The following FAM107B variants were observed in gnomAD, a reference collection of about 807,000 sequenced individuals.
FAM107B encodes the protein family with sequence similarity 107 member B, also known as protein FAM107B.
A neutral mutation model predicts 31.5 loss-of-function variants in FAM107B; 21 were observed. The observed-to-expected ratio is 0.67, with a 90% CI of 0.47 to 0.96. FAM107B has a LOEUF of 0.96. FAM107B is among the 40% of genes least tolerant of loss of function. The pLI is 0.00. For missense variants in FAM107B, 452 were observed against 377.1 expected (o/e 1.20, Z -1.64); for synonymous variants, 157 against 141.5 (o/e 1.11, Z -0.78).
intron 2 of FAM107B, among the ~76,000 whole-genome samples, chr10:14,622,645 T>C (rs929800770): frequency 6.6e-6 from 1 of 152,168 alleles, no homozygotes; most frequent in African/African-American, 2.4e-5. Context: ...AGAGAAGGCA[T>C]CTAAGCAGCA....
At chr10:14,582,296 C>T (rs921218487) in intron 2 of FAM107B, among the ~76,000 whole-genome samples, 2 of 151,768 alleles carry the variant, frequency 1.3e-5, no homozygotes, top group Non-Finnish European at 1.5e-5. Flanking sequence ...AAATAATGGT[C>T]TTTCTAAAAA....
At chr10:14,525,181 C>G (rs1468176067) in intron 3 of FAM107B, among the ~76,000 whole-genome samples, 1 of 152,182 alleles carries the variant, frequency 6.6e-6, no homozygotes, top group East Asian at 1.9e-4. Flanking sequence ...ATTAGTTTCT[C>G]CAAATGTCAT....
intron 2 of FAM107B, among the ~76,000 whole-genome samples, chr10:14,597,147 GAAT>G (rs1217115710): frequency 6.6e-6 from 1 of 152,164 alleles, no homozygotes; most frequent in East Asian, 1.9e-4. Flanking sequence ...ACAAGGGAAA[GAAT>G]ATTATGAAGC....
At chr10:14,625,385 C>T (rs188773004) in intron 2 of FAM107B, among the ~76,000 whole-genome samples, 45 of 152,062 alleles carry the variant, frequency 3.0e-4, no homozygotes, top group Non-Finnish European at 5.0e-4. Context: ...TCTCTGATGA[C>T]GCCTCATCTA....
chr10:14,650,927 G>T (rs1172801615), intron 2 of FAM107B, among the ~76,000 whole-genome samples: 3 of 152,210 alleles, frequency 2.0e-5, no homozygotes, highest in Non-Finnish European at 4.4e-5. Context: ...AAGTGTTAAT[G>T]ATAGTGAAGG....
At chr10:14,720,430 T>A (rs1430592689) in intron 1 of FAM107B, among the ~76,000 whole-genome samples, 1 of 152,100 alleles carries the variant, frequency 6.6e-6, no homozygotes, top group South Asian at 2.1e-4. Context: ...ATTTCTGTAT[T>A]TTTAGTAGAG....
At chr10:14,591,170 G>A (rs1474065896) in intron 2 of FAM107B, among the ~76,000 whole-genome samples, 1 of 152,068 alleles carries the variant, frequency 6.6e-6, no homozygotes, top group African/African-American at 2.4e-5. Flanking sequence ...AATGACAATT[G>A]AAAAAGATAC....
At chr10:14,606,730 A>G (rs1243205442) in intron 2 of FAM107B, among the ~76,000 whole-genome samples, 1 of 151,074 alleles carries the variant, frequency 6.6e-6, no homozygotes, top group Non-Finnish European at 1.5e-5. Flanking sequence ...CCCTTTCCCC[A>G]CTCTCTCTTT....
intron 2 of FAM107B, among the ~76,000 whole-genome samples, chr10:14,541,221 T>C (rs953538102): frequency 6.6e-6 from 1 of 152,128 alleles, no homozygotes; most frequent in African/African-American, 2.4e-5. Flanking sequence ...TTCCCTCTAA[T>C]CCGGCTGCAT....
At chr10:14,753,248 C>T (rs552001119) in intron 1 of FAM107B, among the ~76,000 whole-genome samples, 157 of 152,306 alleles carry the variant, frequency 1.0e-3, no homozygotes, top group African/African-American at 3.6e-3. Context: ...AACACACATA[C>T]ATATCAATAC....
chr10:14,542,552 A>G (rs1451431366), intron 2 of FAM107B: 1 of 152,232 alleles, frequency 6.6e-6, no homozygotes, highest in Non-Finnish European at 1.5e-5. Context: ...CATAGTGGTC[A>G]GCTGAAACTG....
intron 2 of FAM107B, chr10:14,548,345 T>C (rs1848910533): frequency 2.3e-6 from 2 of 881,904 alleles, no homozygotes; most frequent in Non-Finnish European, 2.7e-6. Context: ...AGGGACCAGA[T>C]GCTCTTCCGA....
intron 3 of FAM107B, among the ~76,000 whole-genome samples, chr10:14,526,750 G>A (rs1846277756): frequency 6.6e-6 from 1 of 152,080 alleles, no homozygotes; most frequent in East Asian, 1.9e-4. Flanking sequence ...CCAATTTTAG[G>A]GATATGTTTA....
intron 3 of FAM107B, 45 bp from the exon 4 acceptor site, chr10:14,522,064 C>T: frequency 1.9e-6 from 3 of 1,573,920 alleles, no homozygotes; most frequent in Non-Finnish European, 2.6e-6. Flanking sequence ...AATCTAATGG[C>T]TACATTTTTT....
intron 1 of FAM107B, among the ~76,000 whole-genome samples, chr10:14,736,238 T>C (rs896445225): frequency 6.6e-6 from 1 of 152,106 alleles, no homozygotes; most frequent in Non-Finnish European, 1.5e-5. Flanking sequence ...CACAAGTCCA[T>C]AGACAGGAAG....
At chr10:14,538,435 A>G (rs879709598) in intron 2 of FAM107B, among the ~76,000 whole-genome samples, 2 of 152,188 alleles carry the variant, frequency 1.3e-5, no homozygotes, top group Non-Finnish European at 2.9e-5. Context: ...TCACAAATAC[A>G]ACGTTAAGCA....
intron 1 of FAM107B, among the ~76,000 whole-genome samples, chr10:14,717,258 A>T (rs1855801343): frequency 6.6e-6 from 1 of 152,174 alleles, no homozygotes; most frequent in Non-Finnish European, 1.5e-5. Context: ...GCCCAGCCAA[A>T]GCCCCTCTGT....
chr10:14,632,833 A>C, intron 2 of FAM107B, among the ~76,000 whole-genome samples: 1 of 152,050 alleles, frequency 6.6e-6, no homozygotes, highest in East Asian at 1.9e-4. Context: ...CAGGGCAAGA[A>C]ATGCCAGCTA....
chr10:14,729,050 T>C (rs1461741724), intron 1 of FAM107B, among the ~76,000 whole-genome samples: 1 of 152,156 alleles, frequency 6.6e-6, no homozygotes, highest in African/African-American at 2.4e-5. Context: ...TGGAGTACAG[T>C]GGTGCATTCA....
Sources: gnomAD v4.1 joint callset for allele counts (sites outside exome capture counted in the v4.1 genomes callset) on GRCh38, gnomAD v4.1.1 for gene constraint, MANE v1.5 for transcripts, NCBI Gene and HGNC (gene_info 2026-07-23, HGNC 2026-07-21) for gene names.